Variants in PTPRD observed in about 807,000 individuals in gnomAD.
The protein encoded by PTPRD is protein tyrosine phosphatase receptor type D.
Under a neutral mutation model 214.5 loss-of-function variants are expected in PTPRD, and 34 were observed. The observed-to-expected ratio is 0.16, with a 90% confidence interval of 0.12 to 0.21. The LOEUF is 0.21. PTPRD is among the 10% of genes least tolerant of loss of function. The pLI, the probability that PTPRD is intolerant of heterozygous loss-of-function variation, is 1.00. For synonymous variants in PTPRD, 1,128 were observed against 845.7 expected (o/e 1.33, Z -5.79); for missense variants, 2,545 against 2,398.7 (o/e 1.06, Z -1.27).
At chr9:8,731,300 C>G (rs747916709) in intron 12 of PTPRD, among the ~76,000 whole-genome samples, 5 of 152,200 alleles carry the variant, frequency 3.3e-5, no homozygotes, top group Non-Finnish European at 5.9e-5. Context: ...CAAAGGAGGA[C>G]AAACATTTGA....
intron 9 of PTPRD, among the ~76,000 whole-genome samples, chr9:9,263,392 A>G (rs2099980984): frequency 6.6e-6 from 1 of 151,692 alleles, no homozygotes; most frequent in African/African-American, 2.4e-5. Flanking sequence ...AGTTCAACTG[A>G]ATGACTATAA....
At chr9:9,772,100 T>C (rs1180110571) in intron 5 of PTPRD, among the ~76,000 whole-genome samples, 1 of 152,092 alleles carries the variant, frequency 6.6e-6, no homozygotes, top group African/African-American at 2.4e-5. Context: ...TTTTAAAGGG[T>C]CATTAAGTTA....
intron 7 of PTPRD, among the ~76,000 whole-genome samples, chr9:9,602,554 G>A (rs2093851855): frequency 6.6e-6 from 1 of 152,064 alleles, no homozygotes; most frequent in African/African-American, 2.4e-5. Flanking sequence ...TGTTACAGGA[G>A]TTAAATGAGG....
intron 5 of PTPRD, among the ~76,000 whole-genome samples, chr9:9,779,770 T>C (rs2154488843): frequency 6.6e-6 from 1 of 152,312 alleles, no homozygotes; most frequent in South Asian, 2.1e-4. Flanking sequence ...GGTTTAAGTG[T>C]TCCCTTTTCT....
At chr9:9,178,051 A>C (rs539152970) in intron 10 of PTPRD, among the ~76,000 whole-genome samples, 1 of 152,280 alleles carries the variant, frequency 6.6e-6, no homozygotes, top group South Asian at 2.1e-4. Context: ...GATATTTTGC[A>C]TAGGAAATAG....
rs200383006 is a variant in PTPRD at position 9,085,546 on chromosome 9, C to CT, written c.-142-66812dup. ...TTCCAAACAGTTTAGAAACTCAGGG[C>CT]TTTTTTTCCCTCTTATAAATAGACA... On this transcript the variant is annotated intron_variant, in intron 10 of 45. Coordinates refer to ENST00000381196, the MANE Select transcript of PTPRD (RefSeq NM_002839.4). Among the ~76,000 whole-genome samples the CT allele has an allele frequency of 5.4e-3, 819 of 152,070 alleles. 8 individuals carry two copies. Among genetic ancestry groups the CT allele is most frequent in the African/African-American group, 0.019 (778 of 41,486 alleles).
chr9:8,849,385 C>A (rs569676670), intron 11 of PTPRD, among the ~76,000 whole-genome samples: 1 of 151,990 alleles, frequency 6.6e-6, no homozygotes, highest in Admixed American at 6.5e-5. Flanking sequence ...CACCACCACG[C>A]CCAGCTTATT....
intron 2 of PTPRD, among the ~76,000 whole-genome samples, chr9:10,447,498 C>T (rs556053433): frequency 2.3e-4 from 35 of 152,162 alleles, no homozygotes; most frequent in Middle Eastern, 3.4e-3. Flanking sequence ...GTTTTGCCAA[C>T]ATTTTCTGAG....
chr9:9,149,148 G>C (rs1490218122), intron 10 of PTPRD, among the ~76,000 whole-genome samples: 2 of 152,136 alleles, frequency 1.3e-5, no homozygotes, highest in Admixed American at 6.6e-5. Context: ...CTTGAGCAAG[G>C]TATAAAATTA....
chr9:8,483,073 GTAC>G (rs2096921139), intron 30 of PTPRD, among the ~76,000 whole-genome samples: 1 of 152,146 alleles, frequency 6.6e-6, no homozygotes, highest in African/African-American at 2.4e-5. Flanking sequence ...GTCTACCACA[GTAC>G]TTGTAGTTCA....
At chr9:8,543,791 C>G (rs2079106992) in intron 14 of PTPRD, among the ~76,000 whole-genome samples, 1 of 152,138 alleles carries the variant, frequency 6.6e-6, no homozygotes, top group Admixed American at 6.5e-5. Context: ...AGGCTCACTG[C>G]AACCTCTGCC....
intron 2 of PTPRD, among the ~76,000 whole-genome samples, chr9:10,479,094 C>T (rs2099080936): frequency 6.6e-6 from 1 of 152,078 alleles, no homozygotes; most frequent in South Asian, 2.1e-4. Context: ...GTAGTGTTTT[C>T]CATACAGAAT....
At chr9:9,449,078 T>A (rs924210113) in intron 8 of PTPRD, among the ~76,000 whole-genome samples, 3 of 152,102 alleles carry the variant, frequency 2.0e-5, no homozygotes. Context: ...TACTGTTGTC[T>A]GAAATTATCT....
At chr9:9,905,408 C>A (rs568616734) in intron 5 of PTPRD, among the ~76,000 whole-genome samples, 2 of 151,988 alleles carry the variant, frequency 1.3e-5, no homozygotes, top group South Asian at 4.2e-4. Flanking sequence ...TCTAAGTCTG[C>A]AAACAACTAT....
chr9:8,470,326 A>C (rs184160552), intron 31 of PTPRD, among the ~76,000 whole-genome samples: 2 of 152,214 alleles, frequency 1.3e-5, no homozygotes, highest in Admixed American at 1.3e-4. Context: ...ATTACCTTTC[A>C]AAAATGTCCT....
rs536462336 is a variant in PTPRD at position 9,815,322 on chromosome 9, GGAAT to G, written c.-367-48475_-367-48472del. Among the ~76,000 whole-genome samples the G allele has an allele frequency of 5.4e-3, 813 of 151,926 alleles. 3 individuals are homozygous for G. Among genetic ancestry groups the G allele is most frequent in the African/African-American group, 0.018 (756 of 41,452 alleles). On this transcript the variant is annotated intron_variant, in intron 5 of 45. Transcript: ENST00000381196. Reference sequence around the variant, plus strand: ...GGAAAACTGGATATTCACAGACAAAGGAATGAAACTGGACACTTAACTTACATAG... The same window carrying G: ...GGAAAACTGGATATTCACAGACAAAGGAAACTGGACACTTAACTTACATAG...
intron 11 of PTPRD, among the ~76,000 whole-genome samples, chr9:8,871,332 A>G (rs77804540): frequency 0.011 from 1,636 of 152,296 alleles, 32 homozygotes; most frequent in African/African-American, 0.036. Context: ...AAATGGAAGT[A>G]TTTATGTTAG....
intron 2 of PTPRD, among the ~76,000 whole-genome samples, chr9:10,349,050 A>G (rs1002140067): frequency 5.3e-5 from 8 of 152,088 alleles, no homozygotes; most frequent in Admixed American, 2.0e-4. Context: ...AAACAAATGC[A>G]TATCTGATTG....
At chr9:8,978,052 A>G (rs1267643514) in intron 11 of PTPRD, among the ~76,000 whole-genome samples, 1 of 152,108 alleles carries the variant, frequency 6.6e-6, no homozygotes, top group East Asian at 1.9e-4. Flanking sequence ...AAGAAAGAAG[A>G]AAAGCATTCT....
Sources: allele counts gnomAD v4.1 joint callset (sites outside exome capture counted in the v4.1 genomes callset), GRCh38; gene constraint gnomAD v4.1.1; transcripts MANE v1.5; gene names NCBI Gene and HGNC (gene_info 2026-07-23, HGNC 2026-07-21).